The following GPC5 variants were observed in gnomAD, a reference collection of about 807,000 sequenced individuals.
GPC5 encodes glypican 5, also known as glypican-5.
Under a neutral mutation model 53.9 loss-of-function variants are expected in GPC5, and 47 were observed. The observed-to-expected ratio is 0.87, with a 90% CI of 0.69 to 1.11. GPC5 has a LOEUF of 1.11. GPC5 is among the 50% of genes most tolerant of loss of function. GPC5 has a pLI of 0.00. For missense variants in GPC5, 748 were observed against 713.1 expected, an observed-to-expected ratio of 1.05 and a Z score of -0.56; for synonymous variants, 286 against 263.3, an observed-to-expected ratio of 1.09 and a Z score of -0.84.
chr13:92,016,071 G>C (rs2040704159), intron 6 of GPC5, among the ~76,000 whole-genome samples: 1 of 122,980 alleles, frequency 8.1e-6, no homozygotes, highest in Non-Finnish European at 1.9e-5. Flanking sequence ...CTCTGCAGTG[G>C]CAATAATTAG....
At chr13:91,550,584 T>C (rs144688561) in intron 2 of GPC5, among the ~76,000 whole-genome samples, 1 of 152,290 alleles carries the variant, frequency 6.6e-6, no homozygotes, top group East Asian at 1.9e-4. Context: ...TTCTTGTGGA[T>C]AGGAAGTAGA....
At chr13:92,055,546 T>C (rs2041067672) in intron 6 of GPC5, among the ~76,000 whole-genome samples, 1 of 152,198 alleles carries the variant, frequency 6.6e-6, no homozygotes, top group Non-Finnish European at 1.5e-5. Flanking sequence ...CAAATAGAAG[T>C]CCTTGAGATC....
chr13:91,424,344 GGCAGAATCCAGTACT>G (rs1193497428), intron 1 of GPC5, among the ~76,000 whole-genome samples: 12 of 150,498 alleles, frequency 8.0e-5, no homozygotes, highest in Non-Finnish European at 1.5e-5. Context: ...GTCGAAGACT[GGCAGAATCCAGTACT>G]GCTTTTTTTT....
intron 7 of GPC5, among the ~76,000 whole-genome samples, chr13:92,839,812 T>C (rs1364788774): frequency 6.6e-6 from 1 of 151,932 alleles, no homozygotes; most frequent in Non-Finnish European, 1.5e-5. Flanking sequence ...ATATTACCAA[T>C]GTATTCCTTT....
intron 6 of GPC5, among the ~76,000 whole-genome samples, chr13:91,957,366 A>G (rs1485542511): frequency 6.6e-6 from 1 of 152,176 alleles, no homozygotes; most frequent in Non-Finnish European, 1.5e-5. Context: ...TAGGTATCCC[A>G]GGAGGTGAAG....
At chr13:92,244,587 T>C (rs2139120393) in intron 7 of GPC5, among the ~76,000 whole-genome samples, 1 of 152,336 alleles carries the variant, frequency 6.6e-6, no homozygotes, top group South Asian at 2.1e-4. Flanking sequence ...TCTTGAGTGA[T>C]GTTCTTACTC....
intron 2 of GPC5, among the ~76,000 whole-genome samples, chr13:91,643,336 G>T (rs573775334): frequency 6.6e-6 from 1 of 152,254 alleles, no homozygotes; most frequent in Non-Finnish European, 1.5e-5. Context: ...TCAAAGACTA[G>T]AATTTAAAAT....
chr13:92,453,992 A>C (rs1878168273), intron 7 of GPC5, among the ~76,000 whole-genome samples: 1 of 152,180 alleles, frequency 6.6e-6, no homozygotes, highest in African/African-American at 2.4e-5. Context: ...AGTAGTCAAG[A>C]GTATCTCCTT....
At chr13:92,057,798 T>C (rs904062199) in intron 6 of GPC5, among the ~76,000 whole-genome samples, 3 of 152,216 alleles carry the variant, frequency 2.0e-5, no homozygotes, top group African/African-American at 7.2e-5. Flanking sequence ...GTTGAAGACT[T>C]ACAGCTCCCA....
intron 7 of GPC5, among the ~76,000 whole-genome samples, chr13:92,758,270 G>A (rs999467386): frequency 5.4e-5 from 8 of 148,974 alleles, no homozygotes; most frequent in African/African-American, 2.0e-4. Flanking sequence ...TTCATAGGTG[G>A]GAATTGAACA....
intron 7 of GPC5, among the ~76,000 whole-genome samples, chr13:92,668,154 T>C (rs1886635079): frequency 6.6e-6 from 1 of 152,224 alleles, no homozygotes; most frequent in African/African-American, 2.4e-5. Flanking sequence ...TTGCTAATAA[T>C]ATATTTCATT....
At chr13:92,162,104 T>C (rs886215285) in intron 7 of GPC5, among the ~76,000 whole-genome samples, 4 of 146,046 alleles carry the variant, frequency 2.7e-5, no homozygotes, top group Non-Finnish European at 5.9e-5. Context: ...TATGAGTATA[T>C]TCTATGGAAT....
intron 2 of GPC5, chr13:91,486,997 G>T (rs1452144217): frequency 6.6e-6 from 1 of 152,184 alleles, no homozygotes; most frequent in African/African-American, 2.4e-5. Flanking sequence ...GGGAATTGAA[G>T]CTTGTATGGG....
At chr13:91,826,202 A>T (rs910608106) in intron 5 of GPC5, among the ~76,000 whole-genome samples, 4 of 141,096 alleles carry the variant, frequency 2.8e-5, no homozygotes, top group Non-Finnish European at 6.2e-5. Flanking sequence ...AGATGTCTAC[A>T]TGTTGCATTT....
At chr13:91,697,304 A>G (rs1466654650) in intron 3 of GPC5, among the ~76,000 whole-genome samples, 1 of 151,974 alleles carries the variant, frequency 6.6e-6, no homozygotes, top group Non-Finnish European at 1.5e-5. Context: ...CACCATGCCC[A>G]GCTAATTTTT....
Position 91,728,447 on chromosome 13 carries a change from A to T in GPC5, c.1021-85A>T, listed in dbSNP as rs1410879315. 3.1e-6 allele frequency: 4 copies of T among 1,300,666 alleles called. No individual in the cohort carries two copies. The African/African-American group carries it at 4.5e-5, about 15-fold the overall frequency. The allele number at this position is 1,300,666 out of a possible 1,614,324, so 80.6% of individuals were successfully genotyped here. On this transcript the variant is annotated intron_variant, in intron 3 of 7. Coordinates refer to ENST00000377067, the MANE Select transcript of GPC5 (RefSeq NM_004466.6). ...ATTGAGGTGAAAGCAAAAACGTGTC[A>T]TTGTTTTGGGCCCTATGAAACATCA... is the stretch of plus-strand genomic sequence containing the variant.
At chr13:92,861,676 G>A (rs565433991) in intron 7 of GPC5, among the ~76,000 whole-genome samples, 70 of 152,116 alleles carry the variant, frequency 4.6e-4, no homozygotes, top group Non-Finnish European at 1.0e-3. Flanking sequence ...CAATTTTGTT[G>A]TGGTGTTTTT....
intron 2 of GPC5, among the ~76,000 whole-genome samples, chr13:91,509,064 A>G (rs1885097068): frequency 6.6e-6 from 1 of 152,162 alleles, no homozygotes; most frequent in African/African-American, 2.4e-5. Context: ...GAAGGTTGAG[A>G]CAAAGACTGG....
intron 7 of GPC5, among the ~76,000 whole-genome samples, chr13:92,563,989 A>T (rs1229929040): frequency 2.7e-5 from 2 of 74,164 alleles, no homozygotes; most frequent in Admixed American, 1.0e-4. Context: ...TATGCACTTA[A>T]TTTTTTTTTA....
Sources: allele counts gnomAD v4.1 joint callset (sites outside exome capture counted in the v4.1 genomes callset), GRCh38; gene constraint gnomAD v4.1.1; transcripts MANE v1.5; gene names NCBI Gene and HGNC (gene_info 2026-07-23, HGNC 2026-07-21).